Variants in LRRC57 observed in about 807,000 individuals in gnomAD.
LRRC57 encodes leucine rich repeat containing 57, also known as leucine-rich repeat-containing protein 57.
In LRRC57, 14 loss-of-function variants were observed where a neutral mutation model predicts 23.1. The observed-to-expected ratio is 0.61, with a 90% confidence interval of 0.40 to 0.95. The LOEUF is 0.95. Ranked by LOEUF, LRRC57 falls within the 40% of genes least tolerant of loss-of-function variation. The pLI is 0.00. For synonymous variants in LRRC57, 106 were observed against 115.2 expected (o/e 0.92, Z 0.51); for missense variants, 236 against 284.4 (o/e 0.83, Z 1.22).
At chr15:42,535,776 ATAT>A (rs1020805078), downstream of LRRC57, among the ~76,000 whole-genome samples, 2 of 152,158 alleles carry the variant, frequency 1.3e-5, no homozygotes, top group African/African-American at 4.8e-5. Context: ...CCTAATTTCA[ATAT>A]TCTGTCTCAG....
chr15:42,543,331 C>G lies in LRRC57; in HGVS notation c.*752G>C, dbSNP rs1274198199. 6.6e-6 allele frequency: 1 copy of G among 152,310 alleles called. No individual in the cohort carries two copies. The highest frequency in any genetic ancestry group is 2.4e-5 in the African/African-American group (1 of 41,438). 9.4% of individuals were successfully genotyped at this position (152,310 alleles called of 1,614,324 possible). A position where few individuals can be genotyped will look rare whatever the true frequency, so the allele number is the denominator to read the frequency against. On this transcript the variant is annotated 3_prime_UTR_variant, in exon 6 of 6. Coordinates refer to ENST00000397130, the MANE Select transcript of LRRC57 (RefSeq NM_153260.3). ...TCTCCTGCCTCAGCCTCCCAAGTAG[C>G]TGGGATTATAAGCATGCACCAACAC...
At chr15:42,534,672 A>G (rs192409653), downstream of LRRC57, among the ~76,000 whole-genome samples, 1,223 of 152,332 alleles carry the variant, frequency 8.0e-3, 27 homozygotes, top group Non-Finnish European at 6.6e-3. Flanking sequence ...TGACTCTTTG[A>G]TCCAAGGGCT....
In LRRC57 at chr15:42,537,929, A is replaced by C. The variant is rs1047160781; in HGVS notation, c.*6154T>G. The C allele has an allele frequency of 1.6e-4, 25 of 152,314 alleles. No individual in the cohort carries two copies. The highest frequency in any genetic ancestry group is 1.5e-5 in the Non-Finnish European group (1 of 68,032). The allele number at this position is 152,314 out of a possible 1,614,324, so 9.4% of individuals were successfully genotyped here. On this transcript the variant is annotated 3_prime_UTR_variant, in exon 6 of 6. Transcript: ENST00000397130. The stretch of plus-strand genomic sequence containing the variant: ...GTGTACAGGGTGGGGCGATGAAGGA[A>C]GGTAGGTTAATGGGTAGATACAAAC...
chr15:42,548,319 A>G (rs982054962), intron 2 of LRRC57, 32 bp downstream of exon 2: 1 of 1,614,010 alleles, frequency 6.2e-7, no homozygotes. Flanking sequence ...CTCTCCCTTT[A>G]AGTTCCCTGG....
chr15:42,547,537 A>T lies in LRRC57; in HGVS notation c.224-8T>A, dbSNP rs771763237. On this transcript the variant is annotated splice_region_variant and splice_polypyrimidine_tract_variant and intron_variant, in intron 3 of 5. Transcript: ENST00000397130. The stretch of plus-strand genomic sequence containing the variant: ...TCTCATCAGGCAGAACAGCTGGCAA[A>T]GAAAAATTTTTTTAAAACCTGAATG... The T allele has an allele frequency of 1.3e-6, 2 of 1,593,212 alleles. No individual in the cohort carries two copies. The highest frequency in any genetic ancestry group is 1.1e-5 in the South Asian group (1 of 88,748).
the LRRC57 span, chr15:42,528,345 A>T: frequency 6.2e-7 from 1 of 1,614,136 alleles, no homozygotes; most frequent in Non-Finnish European, 8.5e-7. Context: ...GTAGTATCTA[A>T]ACAGCCAGGC....
chr15:42,548,194 C>G lies in LRRC57; in HGVS notation c.135G>C (p.Leu45Phe). 6.2e-7 allele frequency: 1 copy of G among 1,614,218 alleles called. No homozygotes were observed. Among genetic ancestry groups the G allele is most frequent in the Non-Finnish European group, 8.5e-7 (1 of 1,180,034 alleles). The part of the protein sequence containing the change: ...KLTSNLRTID[L>F]SNNKIESLPP... ...GTAGGCTTTCGATCTTGTTGTTGGA[C>G]AAGTCGATGGTCCTGAGATTGCTCG... Residue 45 changes from leucine to phenylalanine, a missense_variant, in exon 3 of 6, where the codon TTG becomes TTC. Transcript: ENST00000397130.
chr15:42,545,624 A>G (rs180913887), intron 4 of LRRC57, among the ~76,000 whole-genome samples: 11 of 152,328 alleles, frequency 7.2e-5, no homozygotes, highest in Non-Finnish European at 1.0e-4. Flanking sequence ...ACATTTTGGT[A>G]CATTTACTGC....
chr15:42,528,857 A>T, the LRRC57 span, among the ~76,000 whole-genome samples: 3 of 152,336 alleles, frequency 2.0e-5, no homozygotes, highest in African/African-American at 7.2e-5. Context: ...AAGTGCTGGG[A>T]TTACAGGCAT....
At position 42,540,294 on chromosome 15, in the gene LRRC57, A is replaced by G. The variant is rs2057622343; in HGVS notation, c.*3789T>C. On this transcript the variant is annotated 3_prime_UTR_variant, in exon 6 of 6. Transcript: ENST00000397130. ...CTGTGGATTCAACTGCAGGTCAGAA[A>G]TATTTGAGCGGGAAAATGCCTCAAA... 1 of 152,288 alleles carries G rather than the reference A, an allele frequency of 6.6e-6. No individual in the cohort carries two copies. Among genetic ancestry groups the G allele is most frequent in the South Asian group, 2.1e-4 (1 of 4,826 alleles). The allele number at this position is 152,288 out of a possible 1,614,324, so 9.4% of individuals were successfully genotyped here.
the LRRC57 span, chr15:42,529,805 C>T: frequency 6.2e-7 from 1 of 1,611,804 alleles, no homozygotes; most frequent in Non-Finnish European, 8.5e-7. Flanking sequence ...ACAAATAAAA[C>T]GAATCACAGA....
chr15:42,532,455 A>G, the LRRC57 span: 1 of 152,218 alleles, frequency 6.6e-6, no homozygotes. Flanking sequence ...CTGTGATCCC[A>G]TTTCTTATTG....
At position 42,548,086 on chromosome 15, in the gene LRRC57, C is replaced by G. The variant is rs1489251562; in HGVS notation, c.223+20G>C. On this transcript the variant is annotated intron_variant, in intron 3 of 5. Transcript: ENST00000397130. Reference sequence around the variant, plus strand: ...GTAACAGCTGATCACTAGCAAAAGCCTCCCTGGCGAGAGCCATACTCAGTT... The same window carrying G: ...GTAACAGCTGATCACTAGCAAAAGCGTCCCTGGCGAGAGCCATACTCAGTT... 1 of 1,613,354 alleles carries G rather than the reference C, an allele frequency of 6.2e-7. No homozygotes were observed. Among genetic ancestry groups the G allele is most frequent in the Admixed American group, 1.7e-5 (1 of 59,864 alleles).
At position 42,538,669 on chromosome 15, in the gene LRRC57, G is replaced by C. The variant is rs1384748159; in HGVS notation, c.*5414C>G. The C allele has an allele frequency of 6.6e-6, 1 of 152,092 alleles. No homozygotes were observed. The highest frequency in any genetic ancestry group is 1.5e-5 in the Non-Finnish European group (1 of 68,008). 9.4% of individuals were successfully genotyped at this position (152,092 alleles called of 1,614,324 possible). A position where few individuals can be genotyped will look rare whatever the true frequency, so the allele number is the denominator to read the frequency against. Reference sequence around the variant, plus strand: ...TGAGATAAATGGCATGATTTACTGAGTGCTTACTCTGTCATGGCCACTATG... The same window carrying C: ...TGAGATAAATGGCATGATTTACTGACTGCTTACTCTGTCATGGCCACTATG... On this transcript the variant is annotated 3_prime_UTR_variant, in exon 6 of 6. Transcript: ENST00000397130.
chr15:42,534,668 T>C (rs1338087907), downstream of LRRC57, among the ~76,000 whole-genome samples: 1 of 152,190 alleles, frequency 6.6e-6, no homozygotes, highest in Non-Finnish European at 1.5e-5. Flanking sequence ...GAAATGACTC[T>C]TTGATCCAAG....
In LRRC57 at chr15:42,540,055, G is replaced by C. The variant is rs539434597; in HGVS notation, c.*4028C>G. On this transcript the variant is annotated 3_prime_UTR_variant, in exon 6 of 6. Transcript: ENST00000397130. ...TACTAAAAATACAAAAATTAGCCAGGTGTGGTGGCACCTGCCTGTAATCCC... is the reference window on the plus strand; with the variant it reads ...TACTAAAAATACAAAAATTAGCCAGCTGTGGTGGCACCTGCCTGTAATCCC... 1.3e-5 allele frequency: 2 copies of C among 152,144 alleles called. No homozygotes were observed. Among genetic ancestry groups the C allele is most frequent in the Non-Finnish European group, 2.9e-5 (2 of 68,066 alleles). 9.4% of individuals were successfully genotyped at this position (152,144 alleles called of 1,614,324 possible). A position where few individuals can be genotyped will look rare whatever the true frequency, so the allele number is the denominator to read the frequency against.
chr15:42,548,668 G>A (rs2057680475), intron 1 of LRRC57, 25 bp downstream of exon 1: 2 of 621,298 alleles, frequency 3.2e-6, no homozygotes, highest in Non-Finnish European at 5.6e-6. Context: ...GGAGCCTACG[G>A]AAGATCAGGG....
downstream of LRRC57, among the ~76,000 whole-genome samples, chr15:42,537,311 C>A (rs1418069569): frequency 6.7e-6 from 1 of 149,894 alleles, no homozygotes; most frequent in Non-Finnish European, 1.5e-5. Context: ...CTCAACACTG[C>A]TAATCATCAT....
rs889578283 is a variant in LRRC57 at position 42,548,736 on chromosome 15, A to G, written c.-66T>C. The G allele has an allele frequency of 3.0e-5, 20 of 673,058 alleles. No individual in the cohort carries two copies. The highest frequency in any genetic ancestry group is 5.0e-5 in the Non-Finnish European group (20 of 400,094). The allele number at this position is 673,058 out of a possible 1,614,324, so 41.7% of individuals were successfully genotyped here. A position where few individuals can be genotyped will look rare whatever the true frequency, so the allele number is the denominator to read the frequency against. ...CGTAAGGCTCCGCAGGTGAAGACCC[A>G]GGACCCGCAGTAGCCGGGATGCGCT... is the stretch of plus-strand genomic sequence containing the variant. On this transcript the variant is annotated 5_prime_UTR_variant, in exon 1 of 6. Coordinates refer to ENST00000397130, the MANE Select transcript of LRRC57 (RefSeq NM_153260.3).
Sources: allele counts gnomAD v4.1 joint callset (sites outside exome capture counted in the v4.1 genomes callset), GRCh38; gene constraint gnomAD v4.1.1; transcripts MANE v1.5; gene names NCBI Gene and HGNC (gene_info 2026-07-23, HGNC 2026-07-21).